Variants in CFAP57 observed in about 807,000 individuals in gnomAD.
The protein encoded by CFAP57 is cilia and flagella associated protein 57, also known as cilia- and flagella-associated protein 57.
CFAP57 carries 116 observed loss-of-function variants against 146.8 expected under a neutral mutation model. The observed-to-expected ratio is 0.79, with a 90% CI of 0.68 to 0.92. The LOEUF is 0.92. Among genes scored for constraint, CFAP57 ranks in the 40% least tolerant of loss-of-function variants. The pLI, the probability that CFAP57 is intolerant of heterozygous loss-of-function variation, is 0.00. For missense variants in CFAP57, 1,377 were observed against 1,527.2 expected (o/e 0.90, Z 1.64); for synonymous variants, 518 against 552.8 (o/e 0.94, Z 0.88).
rs12136692 is a variant in CFAP57 at position 43,249,186 on chromosome 1, T to C, written c.3539-4791T>C. Among the ~76,000 whole-genome samples the C allele has an allele frequency of 8.0e-3, 1,221 of 151,780 alleles. 12 individuals carry two copies. The highest frequency in any genetic ancestry group is 0.02 in the African/African-American group (821 of 41,416). On this transcript the variant is annotated intron_variant, in intron 22 of 22. Coordinates refer to ENST00000372492, the MANE Select transcript of CFAP57 (RefSeq NM_001378189.1). Reference sequence around the variant, plus strand: ...AAGTGCTGGGATTATAGGCGTGAGCTGCCGTGTCCAGCCCATAACCCTTTC... The same window carrying C: ...AAGTGCTGGGATTATAGGCGTGAGCCGCCGTGTCCAGCCCATAACCCTTTC...
chr1:43,209,865 T>C lies in CFAP57; in HGVS notation c.1878T>C (p.Pro626=). ...TTCGTGCCATGAAGTACCCTCTGCC[T>C]CTGCAGAAGGAATTCAATGAGTACC... ...GTIRAMKYPL[P]LQKEFNEYQA... is the part of the protein sequence containing the mutation. Residue 626 remains proline, a synonymous_variant, in exon 11 of 23, where the codon CCT becomes CCC. Coordinates refer to ENST00000372492, the MANE Select transcript of CFAP57 (RefSeq NM_001378189.1). The C allele has an allele frequency of 6.2e-7, 1 of 1,614,228 alleles. No homozygotes were observed. The highest frequency in any genetic ancestry group is 8.5e-7 in the Non-Finnish European group (1 of 1,180,042).
At chr1:43,185,608 A>G (rs181487487) in intron 5 of CFAP57, among the ~76,000 whole-genome samples, 118 of 147,876 alleles carry the variant, frequency 8.0e-4, no homozygotes, top group African/African-American at 2.8e-3. Context: ...TTGGGAGGCC[A>G]AGGTGGGTGG....
intron 19 of CFAP57, among the ~76,000 whole-genome samples, chr1:43,233,749 A>T (rs1645570576): frequency 6.6e-6 from 1 of 152,208 alleles, no homozygotes; most frequent in South Asian, 2.1e-4. Flanking sequence ...GAAGACAGGT[A>T]AAAGCATGAT....
chr1:43,187,918 C>T (rs978283105), intron 6 of CFAP57, among the ~76,000 whole-genome samples: 1 of 152,176 alleles, frequency 6.6e-6, no homozygotes, highest in African/African-American at 2.4e-5. Flanking sequence ...ATCTTCCCAC[C>T]TCAGCTTCCC....
At chr1:43,237,388 G>C (rs1645745147) in intron 21 of CFAP57, among the ~76,000 whole-genome samples, 1 of 152,116 alleles carries the variant, frequency 6.6e-6, no homozygotes, top group Non-Finnish European at 1.5e-5. Context: ...ATTTTTTGAG[G>C]GCTTCTTGTA....
intron 9 of CFAP57, among the ~76,000 whole-genome samples, chr1:43,200,297 G>A (rs1306363625): frequency 6.6e-6 from 1 of 151,942 alleles, no homozygotes; most frequent in Non-Finnish European, 1.5e-5. Flanking sequence ...ACTAGCCTGG[G>A]CAACATAAGG....
chr1:43,252,953 G>A (rs1646359966), intron 22 of CFAP57, among the ~76,000 whole-genome samples: 1 of 152,152 alleles, frequency 6.6e-6, no homozygotes, highest in African/African-American at 2.4e-5. Context: ...AGGAGGGAGT[G>A]GGATAATGCA....
Position 43,238,743 on chromosome 1 carries a change from T to C in CFAP57, c.3405+4105T>C, listed in dbSNP as rs988779904. 6.6e-6 allele frequency among the ~76,000 whole-genome samples: 1 copy of C among 151,936 alleles called. No homozygotes were observed. The highest frequency in any genetic ancestry group is 2.4e-5 in the African/African-American group (1 of 41,368). The stretch of plus-strand genomic sequence containing the variant: ...CTTGGCCATCATACTATGTGAGATA[T>C]TGGAATGGAGGTGACATAAATGTGA... On this transcript the variant is annotated intron_variant, in intron 21 of 22. Transcript: ENST00000372492. The surrounding 1 kb of genome is among the most constrained non-coding windows in gnomAD (Gnocchi z 4.3).
At chr1:43,240,082 A>T (rs1030928719) in intron 21 of CFAP57, among the ~76,000 whole-genome samples, 7 of 152,226 alleles carry the variant, frequency 4.6e-5, no homozygotes, top group Non-Finnish European at 2.9e-5. Flanking sequence ...GAGTTTTACC[A>T]GGCAGCATCT....
At chr1:43,243,487 C>T (rs1271962261) in intron 22 of CFAP57, 128 bp downstream of exon 22, 6 of 992,174 alleles carry the variant, frequency 6.0e-6, no homozygotes, top group Middle Eastern at 3.4e-4. Context: ...GGGATCCTGT[C>T]CGGGGCACAC....
chr1:43,215,185 C>T (rs1051293386), intron 11 of CFAP57, 70 bp from the exon 12 acceptor site: 2 of 1,538,072 alleles, frequency 1.3e-6, no homozygotes, highest in African/African-American at 2.7e-5. Context: ...AAGCCTTGCG[C>T]AACAGCTGGC....
Position 43,181,544 on chromosome 1 carries a change from G to A in CFAP57, c.168G>A (p.Lys56=), listed in dbSNP as rs2124270080. The part of the protein sequence containing the change: ...KWQKFIPGSE[K]SQGMLALSIS... The stretch of plus-strand genomic sequence containing the variant: ...TTCCTCTGTTTGCAGGCTCAGAGAA[G>A]AGTCAGGGCATGTTGGCCTTGTCCA... Residue 56 remains lysine, a synonymous_variant, in exon 3 of 23, where the codon AAG becomes AAA. Transcript: ENST00000372492. 6.2e-7 allele frequency: 1 copy of A among 1,614,206 alleles called. No homozygotes were observed.
intron 18 of CFAP57, chr1:43,232,166 T>G: frequency 1.5e-6 from 1 of 683,424 alleles, no homozygotes; most frequent in South Asian, 1.6e-5. Flanking sequence ...CTGCCTCAGG[T>G]GAGAGTTGAG....
chr1:43,219,008 G>A (rs1313502317), intron 12 of CFAP57, among the ~76,000 whole-genome samples: 1 of 152,192 alleles, frequency 6.6e-6, no homozygotes, highest in Non-Finnish European at 1.5e-5. Context: ...TGTAGAAAGT[G>A]CAAGATCTAA....
intron 22 of CFAP57, among the ~76,000 whole-genome samples, chr1:43,252,960 T>C (rs540295747): frequency 6.6e-6 from 1 of 152,292 alleles, no homozygotes; most frequent in South Asian, 2.1e-4. Context: ...AGTGGGATAA[T>C]GCAATGTATG....
chr1:43,222,270 A>G lies in CFAP57; in HGVS notation c.2507A>G (p.Gln836Arg), dbSNP rs200118019. The change falls in exon 15 of 23, where the codon CAG becomes CGG. Residue 836 changes from glutamine to arginine, a missense_variant. By Grantham distance (43) the Gln-to-Arg change is conservative (BLOSUM62 1). Transcript: ENST00000372492. ...ELTEFYEAKL[Q>R]EKTTLLEEAQ... ...ACTGAGTTTTACGAGGCAAAACTGCAGGAGAAAACCACCCTTCTGGAAGAG... is the reference window on the plus strand; with the variant it reads ...ACTGAGTTTTACGAGGCAAAACTGCGGGAGAAAACCACCCTTCTGGAAGAG... 16 of 1,463,512 alleles carry G rather than the reference A, an allele frequency of 1.1e-5. No individual in the cohort carries two copies. In the South Asian group the frequency reaches 2.0e-4, roughly 19 times the overall value. 90.7% of individuals were successfully genotyped at this position (1,463,512 alleles called of 1,614,324 possible).
chr1:43,234,067 GC>G (rs1645584977), intron 19 of CFAP57, among the ~76,000 whole-genome samples: 1 of 152,158 alleles, frequency 6.6e-6, no homozygotes, highest in Admixed American at 6.5e-5. Context: ...TGGGTGTCCA[GC>G]CGAGGGCAGG....
In CFAP57 at chr1:43,172,700, T is replaced by G; in HGVS notation, c.-19-35T>G. Reference sequence around the variant, plus strand: ...GGGCGGGGTCGGAGCGGGGCGGTGCTCTCCACTCTGAAGCGCTGCCTTGGT... The same window carrying G: ...GGGCGGGGTCGGAGCGGGGCGGTGCGCTCCACTCTGAAGCGCTGCCTTGGT... On this transcript the variant is annotated intron_variant, in intron 1 of 22. Transcript: ENST00000372492. 3 of 1,610,330 alleles carry G rather than the reference T, an allele frequency of 1.9e-6. No individual in the cohort carries two copies. In the Admixed American group the frequency reaches 5.0e-5, roughly 27 times the overall value.
chr1:43,235,749 A>G (rs1645662365), intron 21 of CFAP57, among the ~76,000 whole-genome samples: 1 of 152,154 alleles, frequency 6.6e-6, no homozygotes, highest in South Asian at 2.1e-4. Flanking sequence ...TAGGGCCTGG[A>G]GTACCTAGAG....
Sources: allele counts gnomAD v4.1 joint callset (sites outside exome capture counted in the v4.1 genomes callset), GRCh38; gene constraint gnomAD v4.1.1; non-coding constraint Gnocchi (gnomAD v3.1); transcripts MANE v1.5; gene names NCBI Gene and HGNC (gene_info 2026-07-23, HGNC 2026-07-21).